Variants in ATG7 observed in about 807,000 individuals in gnomAD.
The protein encoded by ATG7 is autophagy related 7, also known as ubiquitin-like modifier-activating enzyme ATG7.
A neutral mutation model predicts 82.4 loss-of-function variants in ATG7; 70 were observed. The ratio of observed to expected loss-of-function variants is 0.85; its 90% CI spans 0.70 to 1.04. The LOEUF (loss-of-function observed/expected upper bound fraction) is 1.04. Among genes scored for constraint, ATG7 ranks in the 50% least tolerant of loss-of-function variants. ATG7 has a pLI of 0.00. For synonymous variants in ATG7, 287 were observed against 313.0 expected (o/e 0.92, Z 0.88); for missense variants, 792 against 864.3 (o/e 0.92, Z 1.05).
chr3:11,484,413 CAAAA>C lies in ATG7; in HGVS notation c.2079+57491_2079+57494del, dbSNP rs1208876383. Among the ~76,000 whole-genome samples, 5 of 150,770 alleles carry C rather than the reference CAAAA, an allele frequency of 3.3e-5. No homozygotes were observed. In the South Asian group the frequency reaches 6.3e-4, roughly 19 times the overall value. On this transcript the variant is annotated intron_variant, in intron 20 of 20. Transcript: ENST00000693202. The stretch of plus-strand genomic sequence containing the variant: ...CTCAAAAAATGAAAAAACAAACAAA[CAAAA>C]AAACCACAAAAACGACAAACCCAAA...
At chr3:11,338,889 C>T (rs1212040497) in intron 11 of ATG7, among the ~76,000 whole-genome samples, 2 of 152,052 alleles carry the variant, frequency 1.3e-5, no homozygotes, top group Non-Finnish European at 2.9e-5. Flanking sequence ...TTCTAGGTCC[C>T]GTAATTATAT....
chr3:11,287,094 T>C (rs1205178746), intron 3 of ATG7, among the ~76,000 whole-genome samples: 1 of 152,150 alleles, frequency 6.6e-6, no homozygotes, highest in African/African-American at 2.4e-5. Flanking sequence ...TTCATCCTAG[T>C]AATGTTTGAG....
intron 19 of ATG7, among the ~76,000 whole-genome samples, chr3:11,385,087 TG>T (rs2078217208): frequency 6.6e-6 from 1 of 152,240 alleles, no homozygotes; most frequent in African/African-American, 2.4e-5. Flanking sequence ...TGGAGTGCAG[TG>T]GCGTGATCTC....
At chr3:11,380,256 A>G (rs1453218188) in intron 19 of ATG7, among the ~76,000 whole-genome samples, 3 of 152,218 alleles carry the variant, frequency 2.0e-5, no homozygotes, top group Non-Finnish European at 2.9e-5. Flanking sequence ...GAAAATGTGT[A>G]GGGAGACTGA....
chr3:11,296,937 A>G (rs762045822), intron 3 of ATG7, among the ~76,000 whole-genome samples: 1 of 152,200 alleles, frequency 6.6e-6, no homozygotes, highest in Non-Finnish European at 1.5e-5. Context: ...TACAGTTTCT[A>G]TCAATCCAAA....
At chr3:11,454,378 G>T (rs1468310828) in intron 20 of ATG7, among the ~76,000 whole-genome samples, 1 of 152,188 alleles carries the variant, frequency 6.6e-6, no homozygotes, top group African/African-American at 2.4e-5. Context: ...TAACCAATGA[G>T]GTATGATGAA....
chr3:11,407,059 G>A (rs1406546390), intron 19 of ATG7, among the ~76,000 whole-genome samples: 1 of 152,166 alleles, frequency 6.6e-6, no homozygotes, highest in African/African-American at 2.4e-5. Flanking sequence ...CTGAGACAAG[G>A]CAAGTCCCTT....
chr3:11,461,244 G>A (rs2086271799), intron 20 of ATG7, among the ~76,000 whole-genome samples: 1 of 152,176 alleles, frequency 6.6e-6, no homozygotes, highest in African/African-American at 2.4e-5. Context: ...TTTACCCAAG[G>A]CCATTCTGTG....
At chr3:11,532,705 AGAGT>A (rs1180019457) in intron 20 of ATG7, among the ~76,000 whole-genome samples, 1 of 152,204 alleles carries the variant, frequency 6.6e-6, no homozygotes, top group African/African-American at 2.4e-5. Flanking sequence ...TCTAGGTGAC[AGAGT>A]GAGACCTGTC....
At chr3:11,460,732 T>C (rs1037701714) in intron 20 of ATG7, among the ~76,000 whole-genome samples, 13 of 152,194 alleles carry the variant, frequency 8.5e-5, no homozygotes, top group Non-Finnish European at 1.5e-4. Context: ...ATATAAATTT[T>C]GACAAATAAT....
chr3:11,427,939 G>T (rs1462584851), intron 20 of ATG7, among the ~76,000 whole-genome samples: 1 of 152,194 alleles, frequency 6.6e-6, no homozygotes, highest in Non-Finnish European at 1.5e-5. Flanking sequence ...CAGAATTGAT[G>T]AGTGAGATTA....
At position 11,349,229 on chromosome 3, in the gene ATG7, A is replaced by C. The variant is rs1214756193; in HGVS notation, c.1284+1194A>C. Among the ~76,000 whole-genome samples, 28 of 61,976 alleles carry C rather than the reference A, an allele frequency of 4.5e-4. 1 individual carries two copies. Among genetic ancestry groups the C allele is most frequent in the Non-Finnish European group, 4.0e-5 (1 of 24,930 alleles). The allele number at this position is 61,976 out of a possible 152,430, so 40.7% of individuals were successfully genotyped here. On this transcript the variant is annotated intron_variant, in intron 14 of 20. Transcript: ENST00000693202. ...TGCATTTACAATCCTCTAGCTAGACAGAAAAGTTCTCCCAAGTCCCCACTC... is the reference window on the plus strand; with the variant it reads ...TGCATTTACAATCCTCTAGCTAGACCGAAAAGTTCTCCCAAGTCCCCACTC...
chr3:11,545,607 T>G (rs2071211975), intron 20 of ATG7, among the ~76,000 whole-genome samples: 1 of 151,962 alleles, frequency 6.6e-6, no homozygotes, highest in Non-Finnish European at 1.5e-5. Context: ...CTTCTGGCCT[T>G]GGCAGCCCCG....
intron 19 of ATG7, among the ~76,000 whole-genome samples, chr3:11,401,321 A>T (rs1299679739): frequency 6.6e-6 from 1 of 152,188 alleles, no homozygotes; most frequent in Non-Finnish European, 1.5e-5. Context: ...TTTCAAGTGA[A>T]TATTTTCTTC....
intron 19 of ATG7, among the ~76,000 whole-genome samples, chr3:11,399,724 G>A (rs2079639446): frequency 6.6e-6 from 1 of 152,148 alleles, no homozygotes; most frequent in South Asian, 2.1e-4. Context: ...ATAGGCATAA[G>A]CCACCATGCC....
the ATG7 span, among the ~76,000 whole-genome samples, chr3:11,563,960 G>A: frequency 5.6e-4 from 85 of 152,238 alleles, no homozygotes; most frequent in African/African-American, 1.8e-3. Flanking sequence ...GGGAAGCCCC[G>A]GTGAGGCCAC....
Position 11,303,917 on chromosome 3 carries a change from CAAAAAAAAAAA to C in ATG7, c.216-3012_216-3002del, listed in dbSNP as rs55893689. On this transcript the variant is annotated intron_variant, in intron 5 of 20. Coordinates refer to ENST00000693202, the MANE Select transcript of ATG7 (RefSeq NM_001349232.2). ...TGAAACCCCGTCTCTACTAAAAATG[CAAAAAAAAAAA>C]AAAAAAAAAAAAATTAGCCGGGCGT... Among the ~76,000 whole-genome samples the C allele has an allele frequency of 1.4e-4, 11 of 75,898 alleles. 1 individual carries two copies. The highest frequency in any genetic ancestry group is 5.1e-4 in the South Asian group (1 of 1,952). 49.8% of individuals were successfully genotyped at this position (75,898 alleles called of 152,430 possible). A position where few individuals can be genotyped will look rare whatever the true frequency, so the allele number is the denominator to read the frequency against.
chr3:11,444,608 A>G (rs1321435777), intron 20 of ATG7, among the ~76,000 whole-genome samples: 3 of 152,238 alleles, frequency 2.0e-5, no homozygotes, highest in Admixed American at 6.5e-5. Flanking sequence ...AAAACTATTA[A>G]AACCCTGGAA....
At chr3:11,441,664 T>A (rs1055721472) in intron 20 of ATG7, among the ~76,000 whole-genome samples, 1 of 144,196 alleles carries the variant, frequency 6.9e-6, no homozygotes, top group African/African-American at 2.6e-5. Flanking sequence ...CCTTTTTTTT[T>A]TTTTAATTTT....
Sources: gnomAD v4.1 joint callset for allele counts (sites outside exome capture counted in the v4.1 genomes callset) on GRCh38, gnomAD v4.1.1 for gene constraint, MANE v1.5 for transcripts, NCBI Gene and HGNC (gene_info 2026-07-23, HGNC 2026-07-21) for gene names.